Variants in OTOGL observed in about 807,000 individuals in gnomAD.
OTOGL encodes otogelin like, also known as otogelin-like protein.
Under a neutral mutation model 318.5 loss-of-function variants are expected in OTOGL, and 285 were observed. That is an observed-to-expected ratio of 0.89 (90% CI 0.81 to 0.99). The LOEUF (loss-of-function observed/expected upper bound fraction) is 0.99, where lower values mean the gene tolerates loss of function less well. Among genes scored for constraint, OTOGL ranks in the 50% least tolerant of loss-of-function variants. OTOGL has a pLI of 0.00. For missense variants in OTOGL, 2,899 were observed against 2,845.6 expected (o/e 1.02, Z -0.43); for synonymous variants, 987 against 936.5 (o/e 1.05, Z -0.99).
At position 80,106,154 on chromosome 12, in the gene OTOGL, G is replaced by C. The variant is rs570063725; in HGVS notation, c.-20+6549G>C. Among the ~76,000 whole-genome samples the C allele has an allele frequency of 1.6e-4, 24 of 152,332 alleles. No homozygotes were observed. The South Asian group carries it at 4.8e-3, about 30-fold the overall frequency. Reference sequence around the variant, plus strand: ...CCCCATTTGGATATTATACTCAGATGTTACCATTTGGTATTTGTGCGTGGA... The same window carrying C: ...CCCCATTTGGATATTATACTCAGATCTTACCATTTGGTATTTGTGCGTGGA... On this transcript the variant is annotated intron_variant, in intron 1 of 58. Transcript: ENST00000547103.
intron 18 of OTOGL, among the ~76,000 whole-genome samples, chr12:80,259,704 A>G (rs1038307053): frequency 6.6e-6 from 1 of 152,086 alleles, no homozygotes; most frequent in Non-Finnish European, 1.5e-5. Flanking sequence ...CCTGCAAAAG[A>G]CAGGAACTCA....
chr12:80,262,404 A>C (rs1429212364), intron 19 of OTOGL, among the ~76,000 whole-genome samples: 1 of 152,088 alleles, frequency 6.6e-6, no homozygotes, highest in Non-Finnish European at 1.5e-5. Context: ...GAGTTTTCAG[A>C]GTCTTTAAAT....
At chr12:80,351,561 G>A (rs562768635) in intron 44 of OTOGL, among the ~76,000 whole-genome samples, 5 of 152,114 alleles carry the variant, frequency 3.3e-5, no homozygotes, top group African/African-American at 9.6e-5. Context: ...TGATCCACCT[G>A]CCTCAGCCTC....
chr12:80,293,477 G>T (rs1478623778), intron 26 of OTOGL, among the ~76,000 whole-genome samples: 2 of 151,720 alleles, frequency 1.3e-5, no homozygotes, highest in Non-Finnish European at 2.9e-5. Context: ...ACTGAAGGGT[G>T]GTTTTGGCCC....
chr12:80,309,051 G>A (rs1172702106), intron 29 of OTOGL, among the ~76,000 whole-genome samples: 1 of 152,090 alleles, frequency 6.6e-6, no homozygotes, highest in Non-Finnish European at 1.5e-5. Flanking sequence ...AATATCTGGA[G>A]TAGTCAAATA....
chr12:80,199,225 A>G (rs976302042), intron 1 of OTOGL, among the ~76,000 whole-genome samples: 1 of 152,090 alleles, frequency 6.6e-6, no homozygotes, highest in Non-Finnish European at 1.5e-5. Context: ...TAGGTCTTCT[A>G]TTTCCTCAAA....
intron 1 of OTOGL, among the ~76,000 whole-genome samples, chr12:80,123,981 T>C (rs913900976): frequency 5.3e-5 from 8 of 152,230 alleles, no homozygotes; most frequent in African/African-American, 1.9e-4. Flanking sequence ...TCTCCCATTC[T>C]GTAGGTTGCC....
chr12:80,275,288 C>T (rs1003581377), intron 24 of OTOGL, among the ~76,000 whole-genome samples: 2 of 151,782 alleles, frequency 1.3e-5, no homozygotes, highest in Non-Finnish European at 2.9e-5. Flanking sequence ...TTATTCTAAC[C>T]CTCACGGATA....
At chr12:80,344,244 A>C (rs1271482777) in intron 44 of OTOGL, among the ~76,000 whole-genome samples, 1 of 152,184 alleles carries the variant, frequency 6.6e-6, no homozygotes, top group Non-Finnish European at 1.5e-5. Flanking sequence ...ATGATTTTTT[A>C]AAATTGCGTT....
At position 80,355,928 on chromosome 12, in the gene OTOGL, G is replaced by A; in HGVS notation, c.5786G>A (p.Cys1929Tyr). The change falls in exon 47 of 59, where the codon TGC (cysteine) becomes TAC (tyrosine). Residue 1929 changes from cysteine (C) to tyrosine (Y), a missense_variant. Transcript: ENST00000547103. ...VVMGIIDKWT[C>Y]CSKEVCGCDT... ...ATGGGCATCATTGATAAATGGACCTGCTGTTCAAAGGAAGTTTGTGGTATG... is the reference window on the plus strand; with the variant it reads ...ATGGGCATCATTGATAAATGGACCTACTGTTCAAAGGAAGTTTGTGGTATG... The A allele has an allele frequency of 6.2e-7, 1 of 1,613,878 alleles. No individual in the cohort carries two copies.
At chr12:80,129,499 C>G (rs775605294) in intron 1 of OTOGL, among the ~76,000 whole-genome samples, 11 of 152,132 alleles carry the variant, frequency 7.2e-5, no homozygotes, top group Non-Finnish European at 1.5e-4. Flanking sequence ...CTTTTAATGT[C>G]AAAAATATCA....
intron 26 of OTOGL, among the ~76,000 whole-genome samples, chr12:80,285,191 T>C (rs1387368927): frequency 1.3e-5 from 2 of 152,120 alleles, no homozygotes; most frequent in African/African-American, 4.8e-5. Flanking sequence ...TGGTTGTAGA[T>C]ATGTGGCATT....
At chr12:80,253,658 C>CCTG in intron 14 of OTOGL, 84 bp downstream of exon 14, 1 of 1,055,266 alleles carries the variant, frequency 9.5e-7, no homozygotes, top group East Asian at 2.5e-5. Flanking sequence ...AAGGAATATA[C>CCTG]TCATTACTAA....
rs1255638977 is a variant in OTOGL, at chr12:80,108,928, A to ATG, written c.-20+9331_-20+9332dup. ...TGTGTATATATATGTGTATATATAT[A>ATG]TGTGTGTGTATATATATATATATAT... is the stretch of plus-strand genomic sequence containing the variant. On this transcript the variant is annotated intron_variant, in intron 1 of 58. Coordinates refer to ENST00000547103, the MANE Select transcript of OTOGL (RefSeq NM_001378609.3). Among the ~76,000 whole-genome samples, 383 of 88,168 alleles carry ATG rather than the reference A, an allele frequency of 4.3e-3. 2 individuals are homozygous for ATG. The highest frequency in any genetic ancestry group is 0.031 in the Middle Eastern group (5 of 162). 57.8% of individuals were successfully genotyped at this position (88,168 alleles called of 152,430 possible).
At chr12:80,282,094 A>G (rs567419376) in intron 26 of OTOGL, among the ~76,000 whole-genome samples, 68 of 151,900 alleles carry the variant, frequency 4.5e-4, no homozygotes, top group Non-Finnish European at 7.8e-4. Context: ...AATTACCTGT[A>G]TACTCAAATT....
chr12:80,168,991 C>G (rs73356956), intron 1 of OTOGL, among the ~76,000 whole-genome samples: 1 of 152,122 alleles, frequency 6.6e-6, no homozygotes, highest in Admixed American at 6.5e-5. Flanking sequence ...CATATCTTCT[C>G]TAGACTGGTG....
Position 80,356,466 on chromosome 12 carries a change from C to T in OTOGL, c.5857C>T (p.Gln1953Ter). 6.2e-7 allele frequency: 1 copy of T among 1,612,138 alleles called. No individual in the cohort carries two copies. Among genetic ancestry groups the T allele is most frequent in the East Asian group, 2.2e-5 (1 of 44,772 alleles). Residue 1953 changes from glutamine (Q) to a stop codon, truncating the protein, a stop_gained, in exon 48 of 59, where the codon CAA (glutamine) becomes TAA (stop). Transcript: ENST00000547103. LOFTEE classifies it high-confidence loss of function. The part of the protein sequence containing the change: ...ETSIPTCTNS[Q>*]KLIVGHSPLS... ...TAGCATTCCAACATGTACAAATAGT[C>T]AAAAATTGATTGTTGGCCACAGTCC... is the stretch of plus-strand genomic sequence containing the variant.
intron 9 of OTOGL, among the ~76,000 whole-genome samples, chr12:80,237,777 G>T (rs1592588800): frequency 6.6e-6 from 1 of 152,166 alleles, no homozygotes; most frequent in African/African-American, 2.4e-5. Context: ...GCGTTTGATA[G>T]TGGAATGCAC....
rs10862100 is a variant in OTOGL, at chr12:80,372,153, C to G, written c.6781+89C>G. Reference sequence around the variant, plus strand: ...TGGTTTTTCTCACAAAATTCAATTCCTATGATGCAAAGAGAGAAACAAATT... The same window carrying G: ...TGGTTTTTCTCACAAAATTCAATTCGTATGATGCAAAGAGAGAAACAAATT... On this transcript the variant is annotated intron_variant, in intron 57 of 58. Coordinates refer to ENST00000547103, the MANE Select transcript of OTOGL (RefSeq NM_001378609.3). 515,210 of 862,496 alleles carry G rather than the reference C, an allele frequency of 0.6. 162,767 individuals are homozygous for G. The highest frequency in any genetic ancestry group is 0.73 in the East Asian group (23,978 of 32,876). 53.4% of individuals were successfully genotyped at this position (862,496 alleles called of 1,614,324 possible).
Sources: allele counts gnomAD v4.1 joint callset (sites outside exome capture counted in the v4.1 genomes callset), GRCh38; gene constraint gnomAD v4.1.1; transcripts MANE v1.5; gene names NCBI Gene and HGNC (gene_info 2026-07-23, HGNC 2026-07-21).